Variants in UGT1A8 observed in about 807,000 individuals in gnomAD.
UGT1A8 encodes UDP-glucuronosyltransferase 1A8.
A neutral mutation model predicts 45.3 loss-of-function variants in UGT1A8; 39 were observed. The observed-to-expected ratio is 0.86, with a 90% CI of 0.67 to 1.12. UGT1A8 has a LOEUF of 1.12. Among genes scored for constraint, UGT1A8 ranks in the 50% most tolerant of loss-of-function variants. The pLI, the probability that UGT1A8 is intolerant of heterozygous loss-of-function variation, is 0.00. For missense variants in UGT1A8, 719 were observed against 664.9 expected, an observed-to-expected ratio of 1.08 and a Z score of -0.90; for synonymous variants, 275 against 249.2, an observed-to-expected ratio of 1.10 and a Z score of -0.97.
chr2:233,640,858 A>G (rs896719394), intron 1 of UGT1A8, among the ~76,000 whole-genome samples: 11 of 152,144 alleles, frequency 7.2e-5, no homozygotes, highest in African/African-American at 2.7e-4. Context: ...TCAGGGGGGA[A>G]ATGTGGAGCC....
At chr2:233,653,476 C>CT (rs1410968248) in intron 1 of UGT1A8, among the ~76,000 whole-genome samples, 1 of 152,176 alleles carries the variant, frequency 6.6e-6, no homozygotes, top group African/African-American at 2.4e-5. Context: ...AGGTTTGCAG[C>CT]TTTGATCATC....
intron 1 of UGT1A8, among the ~76,000 whole-genome samples, chr2:233,628,667 G>A (rs2073134146): frequency 2.6e-5 from 4 of 152,172 alleles, no homozygotes; most frequent in Non-Finnish European, 5.9e-5. Flanking sequence ...AGTGGGGAGG[G>A]CCCCTGTCCT....
intron 1 of UGT1A8, among the ~76,000 whole-genome samples, chr2:233,694,285 G>A (rs1303012674): frequency 6.6e-6 from 1 of 151,386 alleles, no homozygotes; most frequent in African/African-American, 2.4e-5. Flanking sequence ...AGCCCAATCT[G>A]CCCAAAGGCC....
At chr2:233,744,611 C>T (rs1407412531) in intron 1 of UGT1A8, among the ~76,000 whole-genome samples, 1 of 151,864 alleles carries the variant, frequency 6.6e-6, no homozygotes, top group Non-Finnish European at 1.5e-5. Context: ...TAGTACTTGG[C>T]TCTATAGAGA....
At chr2:233,748,959 T>A (rs1217481897) in intron 1 of UGT1A8, among the ~76,000 whole-genome samples, 1 of 151,598 alleles carries the variant, frequency 6.6e-6, no homozygotes, top group African/African-American at 2.4e-5. Flanking sequence ...CACTCCAAGT[T>A]TCTATAGTGG....
chr2:233,758,824 C>A (rs1696993714), intron 1 of UGT1A8, among the ~76,000 whole-genome samples: 1 of 152,138 alleles, frequency 6.6e-6, no homozygotes, highest in African/African-American at 2.4e-5. Flanking sequence ...TATATCCCCC[C>A]CAAAAAGAGT....
rs563235726 is a variant in UGT1A8 at position 233,693,521 on chromosome 2, G to A, written c.856-73513G>A. The stretch of plus-strand genomic sequence containing the variant: ...CCTACCATCTGTGTACCTCTTCAGG[G>A]GTTTTCCGTGTTCCCTGGAGCATAC... On this transcript the variant is annotated intron_variant, in intron 1 of 4. Transcript: ENST00000373450. The A allele has an allele frequency of 6.2e-7, 1 of 1,614,156 alleles. No homozygotes were observed. The highest frequency in any genetic ancestry group is 1.3e-5 in the African/African-American group (1 of 75,016).
At chr2:233,749,019 A>C (rs1274313061) in intron 1 of UGT1A8, among the ~76,000 whole-genome samples, 1 of 151,468 alleles carries the variant, frequency 6.6e-6, no homozygotes, top group Non-Finnish European at 1.5e-5. Context: ...TTAATCCAGA[A>C]TATTTGGGGT....
At chr2:233,714,301 A>G (rs45600634) in intron 1 of UGT1A8, among the ~76,000 whole-genome samples, 30 of 152,200 alleles carry the variant, frequency 2.0e-4, no homozygotes, top group African/African-American at 6.8e-4. Flanking sequence ...CCATCTTGCA[A>G]AAGATAGAGA....
At chr2:233,663,543 G>A (rs2074015245) in intron 1 of UGT1A8, among the ~76,000 whole-genome samples, 1 of 152,104 alleles carries the variant, frequency 6.6e-6, no homozygotes, top group Non-Finnish European at 1.5e-5. Flanking sequence ...GATCTTAGGA[G>A]TGGTTTAGGG....
Position 233,682,599 on chromosome 2 carries a change from C to G in UGT1A8, c.855+64037C>G. On this transcript the variant is annotated intron_variant, in intron 1 of 4. Transcript: ENST00000373450. The stretch of plus-strand genomic sequence containing the variant: ...CACTTGGAGGAACATTTATTTTGCC[C>G]CTATTTTTTCAAAAATGTCTTAGAA... 4 of 1,613,876 alleles carry G rather than the reference C, an allele frequency of 2.5e-6. No homozygotes were observed. In the South Asian group the frequency reaches 4.4e-5, roughly 18 times the overall value.
At chr2:233,713,461 G>A in intron 1 of UGT1A8, 7 of 1,614,080 alleles carry the variant, frequency 4.3e-6, no homozygotes, top group Non-Finnish European at 5.9e-6. Flanking sequence ...TTTCACCTCT[G>A]CGCGGCGGTG....
At chr2:233,723,288 C>A (rs1349811182) in intron 1 of UGT1A8, among the ~76,000 whole-genome samples, 2 of 115,626 alleles carry the variant, frequency 1.7e-5, no homozygotes, top group Non-Finnish European at 3.4e-5. Flanking sequence ...TGGCTCACTG[C>A]AACCTCTGCC....
At chr2:233,734,694 A>G (rs1291043334) in intron 1 of UGT1A8, among the ~76,000 whole-genome samples, 5 of 149,240 alleles carry the variant, frequency 3.4e-5, no homozygotes, top group Non-Finnish European at 7.3e-5. Flanking sequence ...AATGTGTCCC[A>G]GAGATTCTGG....
intron 1 of UGT1A8, among the ~76,000 whole-genome samples, chr2:233,710,642 A>G (rs1302570147): frequency 6.6e-6 from 1 of 152,158 alleles, no homozygotes; most frequent in Non-Finnish European, 1.5e-5. Context: ...TTCTTTACAT[A>G]TTCTGGATAC....
intron 1 of UGT1A8, among the ~76,000 whole-genome samples, chr2:233,701,433 A>G (rs2075627633): frequency 6.6e-6 from 1 of 152,256 alleles, no homozygotes; most frequent in Admixed American, 6.5e-5. Context: ...TAGACAGATC[A>G]ACGAGACAGA....
rs1699290986 is a variant in UGT1A8 at position 233,766,960 on chromosome 2, A to T, written c.856-74A>T. 4.4e-6 allele frequency: 7 copies of T among 1,607,258 alleles called. No homozygotes were observed. The South Asian group carries it at 7.8e-5, about 18-fold the overall frequency. On this transcript the variant is annotated intron_variant, in intron 1 of 4. Transcript: ENST00000373450. ...CATAGTCTTAAGAGGAAGATATCTA[A>T]TTCATAACTTACTGTATGTAGTCAT...
intron 1 of UGT1A8, chr2:233,682,150 T>A: frequency 6.2e-7 from 1 of 1,614,172 alleles, no homozygotes; most frequent in Non-Finnish European, 8.5e-7. Context: ...GATCACTGAA[T>A]TGCACAGTGA....
chr2:233,675,703 G>T (rs2074331659), intron 1 of UGT1A8, among the ~76,000 whole-genome samples: 1 of 152,092 alleles, frequency 6.6e-6, no homozygotes, highest in Non-Finnish European at 1.5e-5. Flanking sequence ...CCATTCTTAG[G>T]TTAAATAATT....
Sources: gnomAD v4.1 joint callset for allele counts (sites outside exome capture counted in the v4.1 genomes callset) on GRCh38, gnomAD v4.1.1 for gene constraint, MANE v1.5 for transcripts, NCBI Gene and HGNC (gene_info 2026-07-23, HGNC 2026-07-21) for gene names.